The following DAB1 variants were observed in gnomAD, a reference collection of about 807,000 sequenced individuals.
DAB1 encodes DAB adaptor protein 1.
In DAB1, 15 loss-of-function variants were observed where a neutral mutation model predicts 64.6. The observed-to-expected ratio is 0.23, with a 90% CI of 0.16 to 0.36. The LOEUF is 0.36. Among genes scored for constraint, DAB1 ranks in the 10% least tolerant of loss-of-function variants. The probability of loss-of-function intolerance (pLI) is 1.00; values close to 1 mark genes in which losing one functional copy is unlikely to be tolerated. For synonymous variants in DAB1, 235 were observed against 251.9 expected (o/e 0.93, Z 0.64); for missense variants, 596 against 706.7 (o/e 0.84, Z 1.78).
At chr1:57,678,581 A>AG (rs1646596352) in intron 6 of DAB1, among the ~76,000 whole-genome samples, 1 of 152,122 alleles carries the variant, frequency 6.6e-6, no homozygotes, top group South Asian at 2.1e-4. Context: ...ATGGGACCTC[A>AG]GGGGGTAGAC....
intron 6 of DAB1, among the ~76,000 whole-genome samples, chr1:57,793,090 T>C (rs756965760): frequency 1.3e-4 from 20 of 152,188 alleles, no homozygotes; most frequent in Non-Finnish European, 2.6e-4. Context: ...TGGTACTTAA[T>C]AGAAATTTGC....
chr1:58,325,714 A>G (rs941579184), intron 4 of DAB1, among the ~76,000 whole-genome samples: 19 of 152,218 alleles, frequency 1.2e-4, no homozygotes, highest in African/African-American at 4.6e-4. Context: ...GACTTAACAT[A>G]AGCACATGAA....
chr1:57,350,405 T>C (rs538097618), intron 1 of DAB1, among the ~76,000 whole-genome samples: 1 of 152,222 alleles, frequency 6.6e-6, no homozygotes, highest in South Asian at 2.1e-4. Flanking sequence ...ACCACCCTAG[T>C]AGGTTCAAAG....
chr1:57,697,891 C>T (rs1464365252), intron 6 of DAB1, among the ~76,000 whole-genome samples: 3 of 152,154 alleles, frequency 2.0e-5, no homozygotes, highest in Non-Finnish European at 4.4e-5. Flanking sequence ...CCCAATCTCC[C>T]TAGCACTGGA....
chr1:58,244,767 T>C (rs1006225375), intron 4 of DAB1, among the ~76,000 whole-genome samples: 22 of 152,180 alleles, frequency 1.4e-4, no homozygotes, highest in Non-Finnish European at 2.9e-4. Flanking sequence ...ATGTTCCAGC[T>C]GAGAATAAAC....
Position 57,877,641 on chromosome 1 carries a change from A to C in DAB1, n.87+6358T>G, listed in dbSNP as rs1238524564. On this transcript the variant is annotated intron_variant and non_coding_transcript_variant, in intron 1 of 1. Coordinates refer to the DAB1 transcript ENST00000477280. Reference sequence around the variant, plus strand: ...AGTGGCGCAATCTCGGCTCACTGCAAGCTCCGCTTCCCGGGTTCACGCCAT... The same window carrying C: ...AGTGGCGCAATCTCGGCTCACTGCACGCTCCGCTTCCCGGGTTCACGCCAT... Among the ~76,000 whole-genome samples, 2 of 27,288 alleles carry C rather than the reference A, an allele frequency of 7.3e-5. 1 individual carries two copies. Among genetic ancestry groups the C allele is most frequent in the African/African-American group, 4.0e-4 (2 of 5,026 alleles). The allele number at this position is 27,288 out of a possible 152,430, so 17.9% of individuals were successfully genotyped here. A position where few individuals can be genotyped will look rare whatever the true frequency, so the allele number is the denominator to read the frequency against.
intron 7 of DAB1, among the ~76,000 whole-genome samples, chr1:57,589,159 G>T (rs1041234376): frequency 1.3e-5 from 2 of 152,144 alleles, no homozygotes; most frequent in Admixed American, 6.5e-5. Flanking sequence ...TGTGGAGGTT[G>T]CAGTGAGCCG....
Position 57,877,556 on chromosome 1 carries a change from T to TA in DAB1, n.87+6442_87+6443insT, listed in dbSNP as rs1456263308. Among the ~76,000 whole-genome samples the TA allele has an allele frequency of 8.0e-4, 46 of 57,806 alleles. 17 individuals carry two copies. The highest frequency in any genetic ancestry group is 4.0e-3 in the African/African-American group (43 of 10,868). 37.9% of individuals were successfully genotyped at this position (57,806 alleles called of 152,430 possible). On this transcript the variant is annotated intron_variant and non_coding_transcript_variant, in intron 1 of 1. Transcript: ENST00000477280. ...ATCCTAATTGATTTATTTTTTTTTTTTTTTTTTTTTTTTTTGAGACGGAGT... is the reference window on the plus strand; with the variant it reads ...ATCCTAATTGATTTATTTTTTTTTTTATTTTTTTTTTTTTTTGAGACGGAGT...
At chr1:57,226,672 A>AAAAAAAATATATAT (rs747021990) in intron 2 of DAB1, among the ~76,000 whole-genome samples, 8 of 136,000 alleles carry the variant, frequency 5.9e-5, no homozygotes, top group African/African-American at 2.5e-4. Flanking sequence ...TTAAAAAAAA[A>AAAAAAAATATATAT]ATATATATAT....
At chr1:58,518,471 A>G (rs1288431287) in intron 2 of DAB1, among the ~76,000 whole-genome samples, 1 of 151,864 alleles carries the variant, frequency 6.6e-6, no homozygotes, top group African/African-American at 2.4e-5. Flanking sequence ...GGAGGGGAGT[A>G]GGACTGGAGT....
At chr1:57,444,227 T>C (rs1686055537) in intron 7 of DAB1, among the ~76,000 whole-genome samples, 1 of 152,172 alleles carries the variant, frequency 6.6e-6, no homozygotes, top group Admixed American at 6.5e-5. Flanking sequence ...TTCAGAGAGG[T>C]CTGACCTGAC....
At chr1:58,119,340 C>T (rs1404842863) in intron 5 of DAB1, among the ~76,000 whole-genome samples, 3 of 151,876 alleles carry the variant, frequency 2.0e-5, no homozygotes, top group Non-Finnish European at 2.9e-5. Flanking sequence ...CAGAATGCTA[C>T]TTATAGTGTT....
At chr1:57,979,287 C>G (rs1646002617) in intron 5 of DAB1, among the ~76,000 whole-genome samples, 1 of 152,066 alleles carries the variant, frequency 6.6e-6, no homozygotes, top group African/African-American at 2.4e-5. Context: ...AGCTAAAAAC[C>G]ATCATTCTCA....
At chr1:57,408,852 G>A (rs897801749) in intron 1 of DAB1, among the ~76,000 whole-genome samples, 4 of 152,184 alleles carry the variant, frequency 2.6e-5, no homozygotes, top group Admixed American at 1.3e-4. Context: ...GCTCCATGGA[G>A]TGTTGCAGAA....
At chr1:57,025,805 A>C (rs964788335) in intron 10 of DAB1, among the ~76,000 whole-genome samples, 176 bp downstream of exon 10, 1 of 152,218 alleles carries the variant, frequency 6.6e-6, no homozygotes, top group African/African-American at 2.4e-5. Context: ...ATAAATAGCC[A>C]AGCAAATTAA....
At chr1:57,190,242 CT>C (rs1455694452) in intron 2 of DAB1, among the ~76,000 whole-genome samples, 2 of 152,156 alleles carry the variant, frequency 1.3e-5, no homozygotes, top group Admixed American at 1.3e-4. Flanking sequence ...GGGGACCATA[CT>C]TTGAGAGCAC....
chr1:58,449,963 A>G (rs1645114640), intron 3 of DAB1, among the ~76,000 whole-genome samples: 1 of 152,236 alleles, frequency 6.6e-6, no homozygotes, highest in African/African-American at 2.4e-5. Context: ...TGACATATGT[A>G]TGATTTTATA....
At chr1:58,182,517 T>C (rs930609118) in intron 4 of DAB1, among the ~76,000 whole-genome samples, 6 of 151,966 alleles carry the variant, frequency 3.9e-5, no homozygotes, top group African/African-American at 1.5e-4. Flanking sequence ...ATAAGTCCTA[T>C]TTATCTATCT....
At chr1:58,160,320 T>A (rs1655461223) in intron 4 of DAB1, among the ~76,000 whole-genome samples, 1 of 151,804 alleles carries the variant, frequency 6.6e-6, no homozygotes, top group African/African-American at 2.4e-5. Context: ...CAGAGCAGAG[T>A]AGTTCCCTGT....
Sources: gnomAD v4.1 joint callset for allele counts (sites outside exome capture counted in the v4.1 genomes callset) on GRCh38, gnomAD v4.1.1 for gene constraint, MANE v1.5 for transcripts, NCBI Gene and HGNC (gene_info 2026-07-23, HGNC 2026-07-21) for gene names.